Variants in LY75 observed in about 807,000 individuals in gnomAD.
LY75 encodes the protein C-type lectin domain family 13 member B.
A neutral mutation model predicts 231.7 loss-of-function variants in LY75; 185 were observed. The observed-to-expected ratio is 0.80, with a 90% confidence interval of 0.71 to 0.90. The LOEUF (loss-of-function observed/expected upper bound fraction) is 0.90. LY75 is among the 40% of genes least tolerant of loss of function. The pLI is 0.00. For synonymous variants in LY75, 668 were observed against 689.0 expected (o/e 0.97, Z 0.48); for missense variants, 1,947 against 2,050.2 (o/e 0.95, Z 0.97).
At position 159,821,740 on chromosome 2, in the gene LY75, T is replaced by C. The variant is rs533618408; in HGVS notation, c.3959-1820A>G. On this transcript the variant is annotated intron_variant, in intron 28 of 34. Coordinates refer to ENST00000263636, the MANE Select transcript of LY75 (RefSeq NM_002349.4). ...AAAGAAAAACACTTTTGTGATGGATTGCTGGCAAGATGGCCAAATAGGAAC... is the reference window on the plus strand; with the variant it reads ...AAAGAAAAACACTTTTGTGATGGATCGCTGGCAAGATGGCCAAATAGGAAC... Among the ~76,000 whole-genome samples, 230 of 152,290 alleles carry C rather than the reference T, an allele frequency of 1.5e-3. 1 individual carries two copies. Among genetic ancestry groups the C allele is most frequent in the Non-Finnish European group, 2.7e-3 (186 of 68,016 alleles).
At chr2:159,896,898 T>C (rs964845743) in intron 2 of LY75, among the ~76,000 whole-genome samples, 1 of 152,134 alleles carries the variant, frequency 6.6e-6, no homozygotes, top group Non-Finnish European at 1.5e-5. Context: ...GTCACAACTA[T>C]ATATGCTTTA....
chr2:159,810,380 A>C (rs1045810291), intron 32 of LY75, 146 bp downstream of exon 32: 3 of 1,111,528 alleles, frequency 2.7e-6, no homozygotes. Context: ...TTTCCCTACC[A>C]CTGGGCAATT....
Position 159,808,424 on chromosome 2 carries a change from C to T in LY75, c.4822+25G>A, listed in dbSNP as rs368058444. On this transcript the variant is annotated intron_variant, in intron 33 of 34. Transcript: ENST00000263636. ...GATGAGTTAGAACTCTCTTTGCACA[C>T]TACACATACAATTATTTCACTTACC... 9.6e-5 allele frequency: 155 copies of T among 1,613,394 alleles called. 1 individual carries two copies. The highest frequency in any genetic ancestry group is 2.2e-5 in the South Asian group (2 of 91,076).
chr2:159,870,179 C>T (rs548354158), intron 13 of LY75, among the ~76,000 whole-genome samples: 2 of 152,168 alleles, frequency 1.3e-5, no homozygotes, highest in East Asian at 3.8e-4. Flanking sequence ...GGGCCAGGCA[C>T]TGTGGCTCAC....
intron 20 of LY75, among the ~76,000 whole-genome samples, chr2:159,852,717 C>G (rs755628342): frequency 6.6e-6 from 1 of 152,190 alleles, no homozygotes; most frequent in Non-Finnish European, 1.5e-5. Context: ...CCGTGCCCGG[C>G]CAAGTCAGCA....
Position 159,878,505 on chromosome 2 carries a change from GAATCAA to G in LY75, c.1605-18_1605-13del, listed in dbSNP as rs1560096771. The G allele has an allele frequency of 1.2e-6, 2 of 1,613,300 alleles. No individual in the cohort carries two copies. Among genetic ancestry groups the G allele is most frequent in the Non-Finnish European group, 1.7e-6 (2 of 1,179,696 alleles). On this transcript the variant is annotated splice_polypyrimidine_tract_variant and intron_variant, in intron 10 of 34. Coordinates refer to ENST00000263636, the MANE Select transcript of LY75 (RefSeq NM_002349.4). ...ATTCTTGCTCAAATCTACAAAAGGA[GAATCAA>G]ATTGGCAAGTGTTTCACAATGATTG... is the stretch of plus-strand genomic sequence containing the variant.
intron 33 of LY75, chr2:159,807,565 G>A (rs1367968434): frequency 5.4e-6 from 5 of 925,130 alleles, no homozygotes; most frequent in Non-Finnish European, 6.5e-6. Flanking sequence ...AAGGGTGCAG[G>A]AATCTCCATC....
chr2:159,850,789 T>TATATATATATATATATATATATAAAA lies in LY75; in HGVS notation c.2884-323_2884-322insTTTTATATATATATATATATATATAT, dbSNP rs796940571. Among the ~76,000 whole-genome samples, 50 of 88,660 alleles carry TATATATATATATATATATATATAAAA rather than the reference T, an allele frequency of 5.6e-4. No homozygotes were observed. The East Asian group carries it at 8.4e-3, about 15-fold the overall frequency. 58.2% of individuals were successfully genotyped at this position (88,660 alleles called of 152,430 possible). ...TCAAACTTTCATATATATATATATA[T>TATATATATATATATATATATATAAAA]ATATATATATTATATCTTATATATA... On this transcript the variant is annotated intron_variant, in intron 21 of 34. Coordinates refer to ENST00000263636, the MANE Select transcript of LY75 (RefSeq NM_002349.4).
rs931133358 is a variant in LY75, at chr2:159,850,233, A to G, written c.2990-93T>C. The stretch of plus-strand genomic sequence containing the variant: ...GAATATATTTTGTTTATCTATCAAC[A>G]TAGTCTTTTATCTGTTCCATAACAA... On this transcript the variant is annotated intron_variant, in intron 22 of 34. Transcript: ENST00000263636. 6.6e-6 allele frequency: 10 copies of G among 1,506,212 alleles called. No homozygotes were observed. The South Asian group carries it at 1.1e-4, about 16-fold the overall frequency. The allele number at this position is 1,506,212 out of a possible 1,614,324, so 93.3% of individuals were successfully genotyped here. A position where few individuals can be genotyped will look rare whatever the true frequency, so the allele number is the denominator to read the frequency against.
Position 159,898,837 on chromosome 2 carries a change from A to C in LY75, c.317T>G (p.Leu106Arg). Residue 106 changes from leucine to arginine, a missense_variant, in exon 2 of 35, where the codon CTG becomes CGG. Physicochemically the swap from Leu to Arg is moderately radical, Grantham distance 102. Coordinates refer to ENST00000263636, the MANE Select transcript of LY75 (RefSeq NM_002349.4). ...RMFSCDSSAM[L>R]WWKCEHHSLY... The stretch of plus-strand genomic sequence containing the variant: ...AGAGTGGTGCTCACATTTCCACCAC[A>C]GCATGGCACTGGAGTCACAGCTGAA... 6.2e-7 allele frequency: 1 copy of C among 1,614,226 alleles called. No homozygotes were observed. The highest frequency in any genetic ancestry group is 8.5e-7 in the Non-Finnish European group (1 of 1,180,036).
intron 14 of LY75, among the ~76,000 whole-genome samples, chr2:159,861,539 G>T (rs902539520): frequency 1.7e-4 from 26 of 152,126 alleles, no homozygotes; most frequent in African/African-American, 5.6e-4. Flanking sequence ...CTTGAGCCCA[G>T]GAATTCGAGA....
intron 11 of LY75, among the ~76,000 whole-genome samples, chr2:159,875,926 AT>A (rs1318625684): frequency 6.6e-6 from 1 of 152,186 alleles, no homozygotes; most frequent in African/African-American, 2.4e-5. Flanking sequence ...AGGTCATAGA[AT>A]TAGTAAGTGG....
chr2:159,859,879 C>T (rs996589487), intron 15 of LY75, among the ~76,000 whole-genome samples: 1 of 152,184 alleles, frequency 6.6e-6, no homozygotes, highest in Non-Finnish European at 1.5e-5. Flanking sequence ...GCTGCTCCAT[C>T]ATCATCATCA....
rs1682716985 is a variant in LY75, at chr2:159,803,575, A to G, written c.*1469T>C. On this transcript the variant is annotated 3_prime_UTR_variant, in exon 35 of 35. Coordinates refer to ENST00000263636, the MANE Select transcript of LY75 (RefSeq NM_002349.4). ...GTCTTAGAAAATTATTTACAACTTT[A>G]TCATAGTGTAAATACTCTAAATGTA... 1.3e-5 allele frequency: 2 copies of G among 152,180 alleles called. No individual in the cohort carries two copies. Among genetic ancestry groups the G allele is most frequent in the South Asian group, 4.1e-4 (2 of 4,836 alleles). 9.4% of individuals were successfully genotyped at this position (152,180 alleles called of 1,614,324 possible).
chr2:159,884,880 C>T (rs553672646), intron 6 of LY75, among the ~76,000 whole-genome samples: 2 of 152,228 alleles, frequency 1.3e-5, no homozygotes, highest in African/African-American at 4.8e-5. Flanking sequence ...GAGCCACACA[C>T]GAACAGAAGT....
At chr2:159,811,026 T>G (rs1682943189) in intron 31 of LY75, among the ~76,000 whole-genome samples, 2 of 152,074 alleles carry the variant, frequency 1.3e-5, no homozygotes, top group African/African-American at 4.8e-5. Flanking sequence ...TTCTTTGGAT[T>G]CCTTTTTTTG....
At chr2:159,821,450 T>C (rs559725095) in intron 28 of LY75, among the ~76,000 whole-genome samples, 1 of 151,766 alleles carries the variant, frequency 6.6e-6, no homozygotes, top group East Asian at 2.0e-4. Context: ...ACCCCATCTC[T>C]ACTAAAAATA....
intron 13 of LY75, among the ~76,000 whole-genome samples, chr2:159,865,226 C>T (rs1226689594): frequency 1.3e-5 from 2 of 152,158 alleles, no homozygotes; most frequent in Non-Finnish European, 2.9e-5. Flanking sequence ...ACAATACTTT[C>T]AGATACAGTC....
In LY75 at chr2:159,899,048, A is replaced by T; in HGVS notation, c.106T>A (p.Phe36Ile). 6.2e-7 allele frequency: 1 copy of T among 1,612,478 alleles called. No homozygotes were observed. The change falls in exon 2 of 35, where the codon TTC (phenylalanine) becomes ATC (isoleucine). Residue 36 changes from phenylalanine to isoleucine, a missense_variant. Physicochemically the swap from Phe to Ile is conservative, Grantham distance 21 (BLOSUM62 0). Coordinates refer to ENST00000263636, the MANE Select transcript of LY75 (RefSeq NM_002349.4). Reference sequence around the variant, plus strand: ...CCCGTATTTCCATGGACGATGGTGAAGGGGTCATTAGCTGAGTCAAATGGA... The same window carrying T: ...CCCGTATTTCCATGGACGATGGTGATGGGGTCATTAGCTGAGTCAAATGGA... ...EPSGRAANDP[F>I]TIVHGNTGKC...
Sources: gnomAD v4.1 joint callset for allele counts (sites outside exome capture counted in the v4.1 genomes callset) on GRCh38, gnomAD v4.1.1 for gene constraint, MANE v1.5 for transcripts, NCBI Gene and HGNC (gene_info 2026-07-23, HGNC 2026-07-21) for gene names.